The following GRM8 variants were observed in gnomAD, a reference collection of about 807,000 sequenced individuals.
The protein encoded by GRM8 is glutamate metabotropic receptor 8, also known as metabotropic glutamate receptor 8.
In GRM8, 47 loss-of-function variants were observed where a neutral mutation model predicts 87.2. The observed-to-expected ratio is 0.54, with a 90% CI of 0.43 to 0.69. The LOEUF (loss-of-function observed/expected upper bound fraction) is 0.69, where lower values mean the gene tolerates loss of function less well. Among genes scored for constraint, GRM8 ranks in the 30% least tolerant of loss-of-function variants. The pLI is 0.00. For missense variants in GRM8, 1,019 were observed against 1,139.2 expected (o/e 0.89, Z 1.52); for synonymous variants, 396 against 404.5 (o/e 0.98, Z 0.25).
At chr7:127,212,157 A>G (rs1239719980) in intron 2 of GRM8, among the ~76,000 whole-genome samples, 1 of 152,200 alleles carries the variant, frequency 6.6e-6, no homozygotes, top group Non-Finnish European at 1.5e-5. Flanking sequence ...AGGTGTTTTT[A>G]AGGACAGAAA....
chr7:126,503,962 A>C (rs886111492), intron 9 of GRM8, among the ~76,000 whole-genome samples: 9 of 152,048 alleles, frequency 5.9e-5, no homozygotes, highest in African/African-American at 2.2e-4. Context: ...AATTCACCGC[A>C]GTCTTTGCAT....
chr7:126,611,922 A>C (rs1026408029), intron 7 of GRM8, among the ~76,000 whole-genome samples: 1 of 152,234 alleles, frequency 6.6e-6, no homozygotes, highest in African/African-American at 2.4e-5. Flanking sequence ...TATTAAAATC[A>C]AGTTACACTA....
chr7:126,497,460 A>G (rs1484372577), intron 9 of GRM8, among the ~76,000 whole-genome samples: 2 of 151,892 alleles, frequency 1.3e-5, no homozygotes, highest in Non-Finnish European at 2.9e-5. Context: ...TGAAGTTACT[A>G]ATTTCTAAAG....
intron 2 of GRM8, among the ~76,000 whole-genome samples, chr7:127,121,261 C>G (rs141635332): frequency 2.0e-5 from 3 of 152,150 alleles, no homozygotes; most frequent in Non-Finnish European, 4.4e-5. Flanking sequence ...GAGACTTGGC[C>G]TATAGAGGTT....
chr7:126,839,709 C>T (rs1246898604), intron 6 of GRM8, among the ~76,000 whole-genome samples: 3 of 152,106 alleles, frequency 2.0e-5, no homozygotes, highest in African/African-American at 7.2e-5. Context: ...TTTGGTTTGT[C>T]CATTTCAGTT....
chr7:127,232,212 T>TGTGTGTGTGTGTGTGTGTGA (rs1491132484), intron 2 of GRM8, among the ~76,000 whole-genome samples: 293 of 143,544 alleles, frequency 2.0e-3, no homozygotes, highest in African/African-American at 7.0e-3. Flanking sequence ...TGTGTGTGTG[T>TGTGTGTGTGTGTGTGTGTGA]GAGAGAGAGA....
chr7:126,705,077 AT>A (rs1441102674), intron 7 of GRM8, among the ~76,000 whole-genome samples: 1 of 152,050 alleles, frequency 6.6e-6, no homozygotes, highest in African/African-American at 2.4e-5. Context: ...CAGCTTTAAA[AT>A]TTCTCTCTTT....
chr7:126,780,824 T>A (rs933973315), intron 6 of GRM8, among the ~76,000 whole-genome samples: 1 of 152,086 alleles, frequency 6.6e-6, no homozygotes, highest in Non-Finnish European at 1.5e-5. Flanking sequence ...AAAGGTAACA[T>A]AACCAGATTT....
intron 7 of GRM8, among the ~76,000 whole-genome samples, chr7:126,678,649 G>A (rs887084582): frequency 6.6e-6 from 1 of 152,178 alleles, no homozygotes. Flanking sequence ...TTTGTAAACA[G>A]TTTTCCATTA....
intron 9 of GRM8, among the ~76,000 whole-genome samples, chr7:126,482,975 G>T (rs1272871473): frequency 1.3e-5 from 2 of 150,650 alleles, no homozygotes; most frequent in African/African-American, 4.9e-5. Flanking sequence ...TTTTGACAGG[G>T]TACCCACACT....
At chr7:126,866,403 G>T (rs937507235) in intron 6 of GRM8, among the ~76,000 whole-genome samples, 1 of 151,238 alleles carries the variant, frequency 6.6e-6, no homozygotes, top group Non-Finnish European at 1.5e-5. Flanking sequence ...TTTGAAGTAT[G>T]AAAGTTTTTA....
At chr7:126,851,533 C>T (rs1280801016) in intron 6 of GRM8, among the ~76,000 whole-genome samples, 1 of 152,108 alleles carries the variant, frequency 6.6e-6, no homozygotes, top group Non-Finnish European at 1.5e-5. Flanking sequence ...TCCTGTTATC[C>T]CCATCCTAAC....
chr7:126,575,136 G>A (rs931158253), intron 8 of GRM8, among the ~76,000 whole-genome samples: 22 of 152,068 alleles, frequency 1.4e-4, no homozygotes, highest in South Asian at 2.1e-4. Flanking sequence ...ACTGGGCTGC[G>A]TAGCAGGAGG....
At chr7:127,241,625 C>T (rs563549857) in intron 2 of GRM8, among the ~76,000 whole-genome samples, 4 of 151,904 alleles carry the variant, frequency 2.6e-5, no homozygotes, top group African/African-American at 7.3e-5. Context: ...TTAGTAGAGA[C>T]GGGGTTTCAC....
At chr7:126,615,694 T>C (rs1270562181) in intron 7 of GRM8, among the ~76,000 whole-genome samples, 5 of 151,472 alleles carry the variant, frequency 3.3e-5, no homozygotes, top group African/African-American at 4.9e-5. Flanking sequence ...ACCAAGCAAA[T>C]GGAAAACAAA....
At chr7:126,679,571 T>C (rs757305822) in intron 7 of GRM8, among the ~76,000 whole-genome samples, 30 of 152,204 alleles carry the variant, frequency 2.0e-4, no homozygotes, top group African/African-American at 7.2e-5. Context: ...GCTGGAAATA[T>C]AGTGTTGATT....
At chr7:126,523,344 TTTTTG>T (rs1813283202) in intron 9 of GRM8, among the ~76,000 whole-genome samples, 1 of 152,142 alleles carries the variant, frequency 6.6e-6, no homozygotes, top group Non-Finnish European at 1.5e-5. Flanking sequence ...TTTGAATGTT[TTTTTG>T]TTTTGTTTTT....
chr7:126,935,307 A>G (rs1303582673), intron 3 of GRM8, among the ~76,000 whole-genome samples: 1 of 152,180 alleles, frequency 6.6e-6, no homozygotes, highest in Non-Finnish European at 1.5e-5. Context: ...ACAAGAGGGA[A>G]AGGAAATGAA....
intron 2 of GRM8, among the ~76,000 whole-genome samples, chr7:127,194,188 T>C (rs1455581189): frequency 6.6e-6 from 1 of 152,144 alleles, no homozygotes; most frequent in Non-Finnish European, 1.5e-5. Context: ...AACAAAACAG[T>C]AGAGGATGAT....
Sources: gnomAD v4.1 joint callset for allele counts (sites outside exome capture counted in the v4.1 genomes callset) on GRCh38, gnomAD v4.1.1 for gene constraint, MANE v1.5 for transcripts, NCBI Gene and HGNC (gene_info 2026-07-23, HGNC 2026-07-21) for gene names.